Variants in VGLL4 observed in about 807,000 individuals in gnomAD.
The protein encoded by VGLL4 is vestigial like family member 4, also known as transcription cofactor vestigial-like protein 4.
In VGLL4, 7 loss-of-function variants were observed where a neutral mutation model predicts 21.0. The ratio of observed to expected loss-of-function variants is 0.33; its 90% CI spans 0.19 to 0.63. The LOEUF is 0.63. Ranked by LOEUF, VGLL4 falls within the 20% of genes least tolerant of loss-of-function variation. VGLL4 has a pLI of 0.78. For synonymous variants in VGLL4, 222 were observed against 173.2 expected, an observed-to-expected ratio of 1.28 and a Z score of -2.21; for missense variants, 394 against 425.7, an observed-to-expected ratio of 0.93 and a Z score of 0.66.
rs142998252 is a variant in VGLL4 at position 11,677,275 on chromosome 3, C to T, written c.64+25696G>A. ...TAATATTTTTTAAAAGAACAGACTGCAATTTTTTTTTTTTTTGACAGGGTC... is the reference window on the plus strand; with the variant it reads ...TAATATTTTTTAAAAGAACAGACTGTAATTTTTTTTTTTTTTGACAGGGTC... On this transcript the variant is annotated intron_variant, in intron 2 of 5. Transcript: ENST00000273038. Among the ~76,000 whole-genome samples, 1,289 of 151,490 alleles carry T rather than the reference C, an allele frequency of 8.5e-3. 11 individuals carry two copies. Among genetic ancestry groups the T allele is most frequent in the Non-Finnish European group, 0.013 (878 of 67,842 alleles).
At chr3:11,567,775 T>C (rs17034675) in intron 2 of VGLL4, among the ~76,000 whole-genome samples, 1,604 of 152,328 alleles carry the variant, frequency 0.011, 24 homozygotes, top group Non-Finnish European at 0.013. Flanking sequence ...AGTTCATCAG[T>C]GTCACCACAC....
intron 2 of VGLL4, among the ~76,000 whole-genome samples, chr3:11,679,553 T>C (rs1261112115): frequency 6.6e-6 from 1 of 151,984 alleles, no homozygotes; most frequent in Non-Finnish European, 1.5e-5. Context: ...CGTGGTAGCA[T>C]GTGCCTGTAA....
At position 11,674,011 on chromosome 3, in the gene VGLL4, CAAAAAAAA is replaced by C. The variant is rs11293628; in HGVS notation, c.64+28952_64+28959del. On this transcript the variant is annotated intron_variant, in intron 2 of 5. Coordinates refer to the VGLL4 transcript ENST00000273038. ...TGGGTGACAGAGCGAGACTTTGTCT[CAAAAAAAA>C]AAAAAAAAAAAAAAAAAAGAAATCA... Among the ~76,000 whole-genome samples the C allele has an allele frequency of 0.019, 1,088 of 56,984 alleles. 65 individuals carry two copies. The East Asian group carries it at 0.29, about 15-fold the overall frequency. The allele number at this position is 56,984 out of a possible 152,430, so 37.4% of individuals were successfully genotyped here.
At chr3:11,679,409 G>A (rs890107262) in intron 2 of VGLL4, among the ~76,000 whole-genome samples, 8 of 152,072 alleles carry the variant, frequency 5.3e-5, no homozygotes, top group African/African-American at 1.9e-4. Context: ...ACAGAGCTGG[G>A]CGCGGTAGCT....
chr3:11,584,000 G>T (rs2074303815), intron 2 of VGLL4, among the ~76,000 whole-genome samples: 1 of 152,134 alleles, frequency 6.6e-6, no homozygotes, highest in Non-Finnish European at 1.5e-5. Flanking sequence ...ACACACCCAG[G>T]CCAGGTGTTA....
rs375629773 is a variant in VGLL4, at chr3:11,628,334, A to G, written c.82+15103T>C. Among the ~76,000 whole-genome samples the G allele has an allele frequency of 1.7e-4, 26 of 151,680 alleles. No homozygotes were observed. In the South Asian group the frequency reaches 5.2e-3, roughly 30 times the overall value. ...ACCCGGGAGGCAGAGGTTGCGGTAA[A>G]CCGAGATCGTGCCATTGCAAGCCAG... On this transcript the variant is annotated intron_variant, in intron 1 of 4. Transcript: ENST00000430365.
chr3:11,614,210 A>T (rs2075116303), intron 1 of VGLL4, among the ~76,000 whole-genome samples: 1 of 152,204 alleles, frequency 6.6e-6, no homozygotes, highest in Non-Finnish European at 1.5e-5. Flanking sequence ...TGCACTTTCA[A>T]AACCCGACTT....
intron 2 of VGLL4, among the ~76,000 whole-genome samples, chr3:11,590,532 G>C (rs117481200): frequency 1.3e-5 from 2 of 152,162 alleles, no homozygotes; most frequent in African/African-American, 4.8e-5. Flanking sequence ...GGGGCTGGAA[G>C]GCTCGGATCC....
chr3:11,567,124 C>T (rs1483031909), intron 2 of VGLL4, among the ~76,000 whole-genome samples: 2 of 152,138 alleles, frequency 1.3e-5, no homozygotes, highest in Non-Finnish European at 1.5e-5. Context: ...TGTCATTCTG[C>T]GCCATCTCCA....
chr3:11,712,862 C>G (rs1209081015), intron 1 of VGLL4, among the ~76,000 whole-genome samples: 1 of 152,146 alleles, frequency 6.6e-6, no homozygotes, highest in Non-Finnish European at 1.5e-5. Context: ...CCTTACCCGT[C>G]AGGAACACGC....
chr3:11,719,173 AC>A lies in VGLL4; in HGVS notation c.-14+1220del, dbSNP rs953663316. On this transcript the variant is annotated intron_variant, in intron 1 of 5. Transcript: ENST00000273038. This position sits in a 1 kb window ranked among gnomAD's most constrained non-coding sequence, Gnocchi z 4.0. The stretch of plus-strand genomic sequence containing the variant: ...ACAGCCCTCCCTGAGGCCGGCGGGG[AC>A]CGCGGGGTGCCAGGCGCGGGCCTCC... 5.3e-5 allele frequency among the ~76,000 whole-genome samples: 8 copies of A among 151,402 alleles called. No homozygotes were observed. The highest frequency in any genetic ancestry group is 1.9e-4 in the African/African-American group (8 of 41,196).
At chr3:11,599,936 G>C (rs6772166) in intron 2 of VGLL4, among the ~76,000 whole-genome samples, 1 of 152,026 alleles carries the variant, frequency 6.6e-6, no homozygotes, top group African/African-American at 2.4e-5. Flanking sequence ...AATCCTATGA[G>C]GAAGGAATTA....
At chr3:11,570,963 C>T (rs1256871818) in intron 2 of VGLL4, among the ~76,000 whole-genome samples, 4 of 152,178 alleles carry the variant, frequency 2.6e-5, no homozygotes, top group Admixed American at 1.3e-4. Flanking sequence ...GGTCAAGCTG[C>T]GTCACTCCTC....
At chr3:11,664,083 C>G (rs2076074311) in intron 2 of VGLL4, among the ~76,000 whole-genome samples, 1 of 152,040 alleles carries the variant, frequency 6.6e-6, no homozygotes, top group Non-Finnish European at 1.5e-5. Context: ...ACTAAAAACA[C>G]AAAAATTAGC....
intron 2 of VGLL4, among the ~76,000 whole-genome samples, chr3:11,582,686 G>GA (rs1367353487): frequency 6.6e-6 from 1 of 152,180 alleles, no homozygotes; most frequent in Non-Finnish European, 1.5e-5. Context: ...TAAGGCTAAA[G>GA]AAAACACAGG....
intron 3 of VGLL4, among the ~76,000 whole-genome samples, chr3:11,564,401 T>C (rs7628730): frequency 0.048 from 3,070 of 64,356 alleles, 108 homozygotes; most frequent in African/African-American, 0.1. Context: ...AGGAGAAACG[T>C]AGGACCCCCC....
chr3:11,568,548 C>A lies in VGLL4; in HGVS notation c.273-3529G>T. 6.5e-7 allele frequency: 1 copy of A among 1,550,206 alleles called. No individual in the cohort carries two copies. The highest frequency in any genetic ancestry group is 8.7e-7 in the Non-Finnish European group (1 of 1,145,132). Reference sequence around the variant, plus strand: ...GGTCAGACAAAGACACTGAAAACAGCGAGAAAAGGCCTGGAGAACTGGCTG... The same window carrying A: ...GGTCAGACAAAGACACTGAAAACAGAGAGAAAAGGCCTGGAGAACTGGCTG... On this transcript the variant is annotated intron_variant, in intron 2 of 4. Transcript: ENST00000430365. This position sits in a 1 kb window ranked among gnomAD's most constrained non-coding sequence, Gnocchi z 5.9.
chr3:11,703,905 G>A (rs569434673), intron 1 of VGLL4, among the ~76,000 whole-genome samples: 3 of 152,310 alleles, frequency 2.0e-5, no homozygotes, highest in African/African-American at 7.2e-5. Flanking sequence ...ACAACATGTG[G>A]CAGACCAGCT....
chr3:11,642,476 G>A (rs1176853315), intron 1 of VGLL4, among the ~76,000 whole-genome samples: 2 of 152,154 alleles, frequency 1.3e-5, no homozygotes, highest in African/African-American at 2.4e-5. Flanking sequence ...TATTATTGGA[G>A]AAAAAATGGA....
Sources: allele counts gnomAD v4.1 joint callset (sites outside exome capture counted in the v4.1 genomes callset), GRCh38; gene constraint gnomAD v4.1.1; non-coding constraint Gnocchi (gnomAD v3.1); transcripts MANE v1.5; gene names NCBI Gene and HGNC (gene_info 2026-07-23, HGNC 2026-07-21).